PXDNL: variants seen among roughly 807,000 people sequenced by gnomAD.
PXDNL encodes peroxidasin like.
PXDNL carries 145 observed loss-of-function variants against 150.8 expected under a neutral mutation model. The ratio of observed to expected loss-of-function variants is 0.96; its 90% CI spans 0.84 to 1.10. The LOEUF (loss-of-function observed/expected upper bound fraction) is 1.10, where lower values mean the gene tolerates loss of function less well. Ranked by LOEUF, PXDNL falls within the 50% of genes least tolerant of loss-of-function variation. The probability of loss-of-function intolerance (pLI) is 0.00; values close to 1 mark genes in which losing one functional copy is unlikely to be tolerated. For missense variants in PXDNL, 2,087 were observed against 1,873.9 expected (o/e 1.11, Z -2.10); for synonymous variants, 757 against 725.7 (o/e 1.04, Z -0.69).
At chr8:51,808,226 C>A (rs2037698917) in intron 1 of PXDNL, among the ~76,000 whole-genome samples, 1 of 152,156 alleles carries the variant, frequency 6.6e-6, no homozygotes, top group Non-Finnish European at 1.5e-5. Flanking sequence ...CAAGAATGGA[C>A]TTGAAACACT....
chr8:51,424,896 AG>A (rs1190333277), intron 13 of PXDNL, among the ~76,000 whole-genome samples: 1 of 152,190 alleles, frequency 6.6e-6, no homozygotes, highest in Non-Finnish European at 1.5e-5. Flanking sequence ...AAACAAGTCC[AG>A]GTGATTGGTA....
intron 1 of PXDNL, among the ~76,000 whole-genome samples, chr8:51,755,154 A>C (rs543890293): frequency 6.6e-6 from 1 of 152,358 alleles, no homozygotes; most frequent in South Asian, 2.1e-4. Context: ...GGCCCCATCC[A>C]TCTAAACAGT....
At chr8:51,388,096 T>C (rs1452564503) in intron 17 of PXDNL, among the ~76,000 whole-genome samples, 2 of 152,154 alleles carry the variant, frequency 1.3e-5, no homozygotes, top group African/African-American at 4.8e-5. Flanking sequence ...TAATACTGTA[T>C]AATGTGCTCT....
intron 1 of PXDNL, among the ~76,000 whole-genome samples, chr8:51,739,318 C>T (rs1173458708): frequency 1.4e-4 from 21 of 152,098 alleles, no homozygotes; most frequent in Admixed American, 1.4e-3. Flanking sequence ...TGAAAGATTT[C>T]TTCTAAGATC....
At chr8:51,551,764 G>A (rs1812491261) in intron 4 of PXDNL, among the ~76,000 whole-genome samples, 1 of 152,086 alleles carries the variant, frequency 6.6e-6, no homozygotes, top group Non-Finnish European at 1.5e-5. Context: ...CATTGGCCTA[G>A]GCAAAGACTT....
rs186981047 is a variant in PXDNL, at chr8:51,562,404, T to G, written c.309-5493A>C. Among the ~76,000 whole-genome samples the G allele has an allele frequency of 8.7e-3, 1,324 of 152,116 alleles. 13 individuals are homozygous for G. Among genetic ancestry groups the G allele is most frequent in the Non-Finnish European group, 0.015 (996 of 67,960 alleles). On this transcript the variant is annotated intron_variant, in intron 3 of 22. Transcript: ENST00000356297. The stretch of plus-strand genomic sequence containing the variant: ...TAATTCCAAAAAATATTATGTGAAA[T>G]TTATAGCCCCAATAATAACTTATAC...
intron 4 of PXDNL, among the ~76,000 whole-genome samples, chr8:51,516,797 G>A (rs1345390231): frequency 6.6e-6 from 1 of 152,116 alleles, no homozygotes; most frequent in Non-Finnish European, 1.5e-5. Flanking sequence ...GACCAATTAA[G>A]ATGTATAAAT....
chr8:51,383,318 GC>G (rs2130816872), intron 17 of PXDNL, among the ~76,000 whole-genome samples: 1 of 152,012 alleles, frequency 6.6e-6, no homozygotes, highest in Non-Finnish European at 1.5e-5. Flanking sequence ...GTCAACTTTC[GC>G]CCCCAAACCA....
chr8:51,572,933 C>T (rs758770207), intron 3 of PXDNL, among the ~76,000 whole-genome samples: 2 of 151,934 alleles, frequency 1.3e-5, no homozygotes, highest in Non-Finnish European at 2.9e-5. Flanking sequence ...GAAAGCAAAT[C>T]TCCCGGGAAC....
chr8:51,411,227 A>T, intron 16 of PXDNL, 23 bp downstream of exon 16: 1 of 1,416,410 alleles, frequency 7.1e-7, no homozygotes. Flanking sequence ...GTAGGCTGAG[A>T]ATAAAATGGC....
intron 2 of PXDNL, among the ~76,000 whole-genome samples, chr8:51,621,140 A>C (rs1814244120): frequency 6.6e-6 from 1 of 152,206 alleles, no homozygotes; most frequent in Non-Finnish European, 1.5e-5. Context: ...TCTGTATTCA[A>C]ATGGATTTTA....
chr8:51,728,490 G>A (rs1816859446), intron 1 of PXDNL, among the ~76,000 whole-genome samples: 2 of 152,090 alleles, frequency 1.3e-5, no homozygotes, highest in Admixed American at 6.5e-5. Context: ...GACAAGATAC[G>A]GAGGTGGAAG....
At chr8:51,803,502 C>T (rs1244589098) in intron 1 of PXDNL, among the ~76,000 whole-genome samples, 5 of 152,160 alleles carry the variant, frequency 3.3e-5, no homozygotes. Context: ...CCACCTCGAG[C>T]TCTGACAGAT....
intron 1 of PXDNL, among the ~76,000 whole-genome samples, chr8:51,756,513 G>C (rs2037103827): frequency 6.6e-6 from 1 of 151,834 alleles, no homozygotes; most frequent in Non-Finnish European, 1.5e-5. Context: ...GAAAACCTAT[G>C]ATTAAGACAT....
At chr8:51,807,256 G>A (rs754246515) in intron 1 of PXDNL, among the ~76,000 whole-genome samples, 27 of 152,140 alleles carry the variant, frequency 1.8e-4, no homozygotes, top group Non-Finnish European at 3.2e-4. Context: ...TACAATCATC[G>A]CAGAAGGCAA....
intron 3 of PXDNL, among the ~76,000 whole-genome samples, chr8:51,562,917 G>C (rs1252070710): frequency 1.3e-5 from 2 of 151,940 alleles, no homozygotes; most frequent in African/African-American, 2.4e-5. Context: ...GTGACACCAA[G>C]AGTCATGGAC....
At chr8:51,666,759 C>T (rs1815395835) in intron 1 of PXDNL, among the ~76,000 whole-genome samples, 1 of 152,212 alleles carries the variant, frequency 6.6e-6, no homozygotes, top group Non-Finnish European at 1.5e-5. Flanking sequence ...CCTGCATAAT[C>T]ACTGTCCTGA....
intron 19 of PXDNL, among the ~76,000 whole-genome samples, chr8:51,360,384 C>G (rs1421662890): frequency 2.6e-5 from 4 of 152,204 alleles, no homozygotes; most frequent in Non-Finnish European, 5.9e-5. Context: ...ATGCATATGA[C>G]TATACATGTA....
intron 1 of PXDNL, among the ~76,000 whole-genome samples, chr8:51,726,194 T>C (rs1169881055): frequency 6.6e-6 from 1 of 152,170 alleles, no homozygotes; most frequent in Non-Finnish European, 1.5e-5. Context: ...ATAGTTCATT[T>C]CTCCCACTAA....
Sources: gnomAD v4.1 joint callset for allele counts (sites outside exome capture counted in the v4.1 genomes callset) on GRCh38, gnomAD v4.1.1 for gene constraint, MANE v1.5 for transcripts, NCBI Gene and HGNC (gene_info 2026-07-23, HGNC 2026-07-21) for gene names.